The following SORCS3 variants were observed in gnomAD, a reference collection of about 807,000 sequenced individuals.
SORCS3 encodes the protein sortilin related VPS10 domain containing receptor 3.
A neutral mutation model predicts 146.3 loss-of-function variants in SORCS3; 57 were observed. The ratio of observed to expected loss-of-function variants is 0.39; its 90% CI spans 0.31 to 0.49. The LOEUF (loss-of-function observed/expected upper bound fraction) is 0.49. Ranked by LOEUF, SORCS3 falls within the 20% of genes least tolerant of loss-of-function variation. The pLI is 0.92. For missense variants in SORCS3, 1,341 were observed against 1,575.5 expected, an observed-to-expected ratio of 0.85 and a Z score of 2.52; for synonymous variants, 653 against 618.5, an observed-to-expected ratio of 1.06 and a Z score of -0.83.
At chr10:104,807,021 G>C (rs75388478) in intron 1 of SORCS3, among the ~76,000 whole-genome samples, 1 of 151,940 alleles carries the variant, frequency 6.6e-6, no homozygotes, top group East Asian at 1.9e-4. Flanking sequence ...AGATTCTTTA[G>C]AGTACATCCT....
intron 1 of SORCS3, among the ~76,000 whole-genome samples, chr10:104,701,962 T>C (rs377048984): frequency 6.6e-6 from 1 of 152,314 alleles, no homozygotes. Flanking sequence ...TAAAAGGGCA[T>C]ATTGTAAATA....
chr10:104,648,937 G>A (rs1461510289), intron 1 of SORCS3, among the ~76,000 whole-genome samples: 2 of 152,128 alleles, frequency 1.3e-5, no homozygotes, highest in African/African-American at 4.8e-5. Flanking sequence ...GGCCAGCAGG[G>A]TTCTTGGTCA....
intron 1 of SORCS3, among the ~76,000 whole-genome samples, chr10:104,740,176 A>G (rs2016824763): frequency 6.6e-6 from 1 of 152,222 alleles, no homozygotes; most frequent in South Asian, 2.1e-4. Flanking sequence ...CATAAAACTG[A>G]AACAGTCAAA....
At chr10:104,872,977 C>T (rs1425096211) in intron 2 of SORCS3, among the ~76,000 whole-genome samples, 1 of 152,194 alleles carries the variant, frequency 6.6e-6, no homozygotes, top group Non-Finnish European at 1.5e-5. Context: ...GTCATGTACA[C>T]ACACATACAC....
At chr10:104,798,648 A>G (rs1054478003) in intron 1 of SORCS3, among the ~76,000 whole-genome samples, 4 of 152,224 alleles carry the variant, frequency 2.6e-5, no homozygotes, top group South Asian at 2.1e-4. Context: ...TCCACTCACC[A>G]TATAATCTAG....
In SORCS3 at chr10:105,173,510, AT is replaced by A. The variant is rs978789022; in HGVS notation, c.1902-4548del. On this transcript the variant is annotated intron_variant, in intron 13 of 26. Coordinates refer to ENST00000369701, the MANE Select transcript of SORCS3 (RefSeq NM_014978.3). Reference sequence around the variant, plus strand: ...CTCTAAAAATAACCTAAATATTTCCATTTTTTTTCCACTATTAATAATCTTC... The same window carrying A: ...CTCTAAAAATAACCTAAATATTTCCATTTTTTTCCACTATTAATAATCTTC... 4.6e-5 allele frequency among the ~76,000 whole-genome samples: 7 copies of A among 151,560 alleles called. No homozygotes were observed. The East Asian group carries it at 7.8e-4, about 17-fold the overall frequency.
chr10:105,061,290 T>C (rs1267781116), intron 5 of SORCS3, among the ~76,000 whole-genome samples: 5 of 109,882 alleles, frequency 4.6e-5, no homozygotes, highest in South Asian at 7.2e-4. Flanking sequence ...TTTTAAGTGG[T>C]GTTCCTTTTT....
At position 104,641,668 on chromosome 10, in the gene SORCS3, G is replaced by C. The variant is rs1009340926; in HGVS notation, c.341G>C (p.Arg114Pro). Residue 114 changes from arginine (R) to proline (P), a missense_variant, in exon 1 of 27, where the codon CGG (arginine) becomes CCG (proline). Physicochemically the swap from Arg to Pro is moderately radical, Grantham distance 103. Transcript: ENST00000369701. This position sits in a 1 kb window ranked among gnomAD's most constrained non-coding sequence, Gnocchi z 6.4. ...GGAGGGACATCACCGGCAGGCGAGC[G>C]GCGGGGCCGGGGCATCCCAGCTCCT... ...EAGGTSPAGERRGRGIPAPAK... is the reference protein window; with the variant it reads ...EAGGTSPAGEPRGRGIPAPAK... 8 of 1,525,976 alleles carry C rather than the reference G, an allele frequency of 5.2e-6. No homozygotes were observed. The highest frequency in any genetic ancestry group is 2.0e-4 in the Middle Eastern group (1 of 4,964). 94.5% of individuals were successfully genotyped at this position (1,525,976 alleles called of 1,614,324 possible). A position where few individuals can be genotyped will look rare whatever the true frequency, so the allele number is the denominator to read the frequency against.
At chr10:105,007,655 C>A (rs1409256816) in intron 4 of SORCS3, among the ~76,000 whole-genome samples, 1 of 152,054 alleles carries the variant, frequency 6.6e-6, no homozygotes, top group Non-Finnish European at 1.5e-5. Flanking sequence ...CCCCCTCCCC[C>A]AACCCCCCAA....
intron 5 of SORCS3, among the ~76,000 whole-genome samples, chr10:105,067,933 C>T (rs1471121712): frequency 6.6e-6 from 1 of 151,998 alleles, no homozygotes; most frequent in Non-Finnish European, 1.5e-5. Context: ...AGGATGCTCT[C>T]TTCATTGTTT....
intron 3 of SORCS3, among the ~76,000 whole-genome samples, chr10:104,960,454 T>C (rs887462074): frequency 2.6e-5 from 4 of 151,986 alleles, no homozygotes; most frequent in Non-Finnish European, 1.5e-5. Flanking sequence ...ATCTGGTGAG[T>C]GTCTTCTTGC....
chr10:105,129,467 G>A (rs1188963634), intron 7 of SORCS3, among the ~76,000 whole-genome samples: 12 of 151,512 alleles, frequency 7.9e-5, no homozygotes, highest in African/African-American at 2.9e-4. Flanking sequence ...AGGTTTCATG[G>A]GCAGTGCCTT....
At chr10:104,875,858 T>G (rs1280403886) in intron 2 of SORCS3, among the ~76,000 whole-genome samples, 1 of 152,272 alleles carries the variant, frequency 6.6e-6, no homozygotes, top group South Asian at 2.1e-4. Context: ...TTATTTGTGG[T>G]TTTGAATCTC....
intron 6 of SORCS3, among the ~76,000 whole-genome samples, chr10:105,092,036 CAG>C (rs1418275263): frequency 3.9e-5 from 6 of 152,172 alleles, no homozygotes; most frequent in Non-Finnish European, 8.8e-5. Context: ...AGTACATTCT[CAG>C]GCTTCGTGAG....
chr10:105,084,980 T>C (rs780501698), intron 5 of SORCS3, among the ~76,000 whole-genome samples: 1 of 152,080 alleles, frequency 6.6e-6, no homozygotes, highest in Non-Finnish European at 1.5e-5. Flanking sequence ...TCCGCCCGAC[T>C]CGGCCTCCCA....
chr10:105,164,461 G>A, intron 12 of SORCS3, 82 bp downstream of exon 12: 1 of 1,006,560 alleles, frequency 9.9e-7, no homozygotes, highest in Non-Finnish European at 1.6e-6. Flanking sequence ...TAGATTCTCA[G>A]CCTCATTATG....
chr10:105,240,927 C>T (rs2056818049), intron 20 of SORCS3, among the ~76,000 whole-genome samples: 1 of 53,556 alleles, frequency 1.9e-5, no homozygotes, highest in African/African-American at 7.1e-5. Context: ...CACACATATA[C>T]ACACACAAAC....
chr10:104,902,115 A>G (rs1453613089), intron 2 of SORCS3, among the ~76,000 whole-genome samples: 3 of 152,248 alleles, frequency 2.0e-5, no homozygotes, highest in Non-Finnish European at 1.5e-5. Flanking sequence ...GGTTGGAAAC[A>G]AAGAGTGTCT....
At chr10:105,077,634 G>A (rs994609179) in intron 5 of SORCS3, among the ~76,000 whole-genome samples, 1 of 151,736 alleles carries the variant, frequency 6.6e-6, no homozygotes, top group Non-Finnish European at 1.5e-5. Flanking sequence ...CCTATCCTAG[G>A]ACCTCACAGA....
Sources: gnomAD v4.1 joint callset for allele counts (sites outside exome capture counted in the v4.1 genomes callset) on GRCh38, gnomAD v4.1.1 for gene constraint, Gnocchi (gnomAD v3.1) non-coding constraint, MANE v1.5 for transcripts, NCBI Gene and HGNC (gene_info 2026-07-23, HGNC 2026-07-21) for gene names.